Variants in TRABD2B observed in about 807,000 individuals in gnomAD.
The protein encoded by TRABD2B is metalloprotease TIKI2.
Under a neutral mutation model 40.1 loss-of-function variants are expected in TRABD2B, and 14 were observed. That is an observed-to-expected ratio of 0.35 (90% confidence interval 0.23 to 0.55). The LOEUF is 0.55. Ranked by LOEUF, TRABD2B falls within the 20% of genes least tolerant of loss-of-function variation. TRABD2B has a pLI of 0.90. For missense variants in TRABD2B, 541 were observed against 648.6 expected (o/e 0.83, Z 1.80); for synonymous variants, 263 against 277.0 (o/e 0.95, Z 0.50).
At chr1:47,789,594 G>A (rs1410438997) in intron 4 of TRABD2B, among the ~76,000 whole-genome samples, 1 of 152,110 alleles carries the variant, frequency 6.6e-6, no homozygotes, top group Non-Finnish European at 1.5e-5. Context: ...TTCAAACCAA[G>A]AATCCTCCCT....
intron 2 of TRABD2B, among the ~76,000 whole-genome samples, chr1:47,961,298 A>G (rs1645511393): frequency 6.6e-6 from 1 of 152,244 alleles, no homozygotes; most frequent in Non-Finnish European, 1.5e-5. Flanking sequence ...GGACATAGGC[A>G]TGGGCAAGGA....
intron 2 of TRABD2B, among the ~76,000 whole-genome samples, chr1:47,869,185 C>G (rs775230919): frequency 5.9e-5 from 9 of 152,148 alleles, no homozygotes; most frequent in Non-Finnish European, 1.2e-4. Context: ...TACACATATT[C>G]CATTCATACA....
At chr1:47,853,585 C>G (rs1017621012) in intron 2 of TRABD2B, among the ~76,000 whole-genome samples, 1 of 152,328 alleles carries the variant, frequency 6.6e-6, no homozygotes, top group South Asian at 2.1e-4. Flanking sequence ...GGGAGCCTAG[C>G]TCAGGGACTG....
chr1:47,811,709 C>T (rs552668721), intron 2 of TRABD2B, among the ~76,000 whole-genome samples: 2 of 152,236 alleles, frequency 1.3e-5, no homozygotes, highest in East Asian at 1.9e-4. Flanking sequence ...GGGATCCCTT[C>T]GATTTTAGCT....
At chr1:47,978,941 C>T (rs1645800559) in intron 2 of TRABD2B, among the ~76,000 whole-genome samples, 1 of 152,186 alleles carries the variant, frequency 6.6e-6, no homozygotes. Context: ...GAAGTTTCCT[C>T]CAGTCCAAGG....
intron 6 of TRABD2B, among the ~76,000 whole-genome samples, chr1:47,774,947 C>T (rs898261286): frequency 6.6e-6 from 1 of 152,264 alleles, no homozygotes; most frequent in Non-Finnish European, 1.5e-5. Flanking sequence ...GCTTCTATTT[C>T]CTCACCTTTA....
Position 47,991,416 on chromosome 1 carries a change from AG to A in TRABD2B, c.666+2617del, listed in dbSNP as rs373631863. 2.6e-3 allele frequency among the ~76,000 whole-genome samples: 391 copies of A among 152,286 alleles called. 2 individuals carry two copies. The highest frequency in any genetic ancestry group is 9.1e-3 in the African/African-American group (378 of 41,562). ...GACCAAGAAAACAGGGCCCAGAGAG[AG>A]GAAGTGACTTGCCCAAGGTCACATA... On this transcript the variant is annotated intron_variant, in intron 2 of 6. Coordinates refer to ENST00000606738, the MANE Select transcript of TRABD2B (RefSeq NM_001194986.2).
At chr1:47,866,827 C>G (rs954898883) in intron 2 of TRABD2B, among the ~76,000 whole-genome samples, 1 of 152,200 alleles carries the variant, frequency 6.6e-6, no homozygotes, top group Non-Finnish European at 1.5e-5. Flanking sequence ...CTAACAAACA[C>G]CCAAATGAAG....
At chr1:47,825,900 G>C (rs1264189525) in intron 2 of TRABD2B, among the ~76,000 whole-genome samples, 1 of 152,224 alleles carries the variant, frequency 6.6e-6, no homozygotes, top group Non-Finnish European at 1.5e-5. Flanking sequence ...CTTGCTGTGT[G>C]GAACTGGGCA....
intron 3 of TRABD2B, among the ~76,000 whole-genome samples, chr1:47,800,701 T>G (rs1173700118): frequency 6.6e-6 from 1 of 152,178 alleles, no homozygotes; most frequent in Non-Finnish European, 1.5e-5. Context: ...TAGAGGTGCC[T>G]GGGAGAATGC....
chr1:47,871,115 C>G (rs1359193682), intron 2 of TRABD2B, among the ~76,000 whole-genome samples: 1 of 152,120 alleles, frequency 6.6e-6, no homozygotes, highest in Non-Finnish European at 1.5e-5. Flanking sequence ...CACAAACAAG[C>G]CTATGAGGTA....
At chr1:47,769,108 G>A (rs1644346363) in intron 6 of TRABD2B, among the ~76,000 whole-genome samples, 1 of 152,238 alleles carries the variant, frequency 6.6e-6, no homozygotes, top group Admixed American at 6.5e-5. Flanking sequence ...GAGGGGATTA[G>A]TGCCTGTGCC....
chr1:47,839,789 G>A (rs568309506), intron 2 of TRABD2B, among the ~76,000 whole-genome samples: 53 of 152,260 alleles, frequency 3.5e-4, no homozygotes, highest in African/African-American at 1.2e-3. Context: ...GCTTAACTCC[G>A]GTCACACCAT....
intron 2 of TRABD2B, among the ~76,000 whole-genome samples, chr1:47,990,064 G>T (rs1435104747): frequency 6.6e-6 from 1 of 152,182 alleles, no homozygotes; most frequent in Non-Finnish European, 1.5e-5. Context: ...TCAATAAATG[G>T]TATTGTGGTT....
intron 2 of TRABD2B, among the ~76,000 whole-genome samples, chr1:47,925,007 C>A (rs929156946): frequency 5.3e-5 from 8 of 152,210 alleles, no homozygotes; most frequent in African/African-American, 1.9e-4. Context: ...GCTTTGATTC[C>A]TGGGAAGTCA....
chr1:47,802,781 C>T (rs1644839688), intron 2 of TRABD2B, among the ~76,000 whole-genome samples: 1 of 152,154 alleles, frequency 6.6e-6, no homozygotes, highest in African/African-American at 2.4e-5. Context: ...CCCCTCCCTT[C>T]TCTTCTATAC....
chr1:47,900,049 C>T (rs1027797296), intron 2 of TRABD2B, among the ~76,000 whole-genome samples: 1 of 152,284 alleles, frequency 6.6e-6, no homozygotes, highest in Admixed American at 6.5e-5. Context: ...TTGACTTCTC[C>T]CTCTGCTCCA....
chr1:47,843,834 AGCCT>A (rs1464390412), intron 2 of TRABD2B, among the ~76,000 whole-genome samples: 2 of 152,164 alleles, frequency 1.3e-5, no homozygotes, highest in Non-Finnish European at 2.9e-5. Context: ...TGGGGTGTGG[AGCCT>A]GAAAAGAAGA....
intron 5 of TRABD2B, among the ~76,000 whole-genome samples, chr1:47,775,909 C>T (rs975851019): frequency 3.9e-5 from 6 of 152,028 alleles, no homozygotes; most frequent in Admixed American, 1.3e-4. Flanking sequence ...GCTAGGAAGA[C>T]GTGAGGGAGC....
Sources: allele counts gnomAD v4.1 joint callset (sites outside exome capture counted in the v4.1 genomes callset), GRCh38; gene constraint gnomAD v4.1.1; transcripts MANE v1.5; gene names NCBI Gene and HGNC (gene_info 2026-07-23, HGNC 2026-07-21).